Variants in CCDC171 observed in about 807,000 individuals in gnomAD.
CCDC171 encodes the protein coiled-coil domain containing 171, also known as coiled-coil domain-containing protein 171.
A neutral mutation model predicts 168.2 loss-of-function variants in CCDC171; 177 were observed. The ratio of observed to expected loss-of-function variants is 1.05; its 90% CI spans 0.93 to 1.19. The LOEUF is 1.19. CCDC171 is among the 50% of genes most tolerant of loss of function. The pLI is 0.00. For synonymous variants in CCDC171, 687 were observed against 540.8 expected, an observed-to-expected ratio of 1.27 and a Z score of -3.75; for missense variants, 1,991 against 1,539.0, an observed-to-expected ratio of 1.29 and a Z score of -4.91.
intron 14 of CCDC171, among the ~76,000 whole-genome samples, chr9:15,726,009 A>G (rs1198042176): frequency 6.6e-6 from 1 of 152,206 alleles, no homozygotes; most frequent in Non-Finnish European, 1.5e-5. Flanking sequence ...CCTATGGGTT[A>G]TAGAGCTAGT....
At chr9:15,717,157 G>T (rs1305620660) in intron 11 of CCDC171, among the ~76,000 whole-genome samples, 1 of 152,156 alleles carries the variant, frequency 6.6e-6, no homozygotes, top group Admixed American at 6.5e-5. Flanking sequence ...GCTATGTGGT[G>T]GGGGGAATCT....
chr9:15,752,622 C>G (rs1243351373), intron 18 of CCDC171, among the ~76,000 whole-genome samples: 1 of 152,162 alleles, frequency 6.6e-6, no homozygotes, highest in Non-Finnish European at 1.5e-5. Flanking sequence ...AACCATCATT[C>G]TCAGCAAACT....
intron 5 of CCDC171, among the ~76,000 whole-genome samples, chr9:15,593,782 T>A (rs1016406481): frequency 6.6e-6 from 1 of 152,000 alleles, no homozygotes; most frequent in African/African-American, 2.4e-5. Context: ...AGCCTGTTGC[T>A]TATATATACA....
rs1833449428 is a variant in CCDC171 at position 16,035,516 on chromosome 9, C to G, written n.1058C>G. On this transcript the variant is annotated non_coding_transcript_exon_variant, in exon 7 of 10. Transcript: ENST00000486641. ...TCTTATTTATGAACTGAAGAACACT[C>G]TCCATCTTGGTATGTATGCTAATTC... 2 of 152,180 alleles carry G rather than the reference C, an allele frequency of 1.3e-5. 1 individual carries two copies. Among genetic ancestry groups the G allele is most frequent in the South Asian group, 4.1e-4 (2 of 4,826 alleles). 9.4% of individuals were successfully genotyped at this position (152,180 alleles called of 1,614,324 possible). A position where few individuals can be genotyped will look rare whatever the true frequency, so the allele number is the denominator to read the frequency against.
chr9:15,712,498 G>A (rs1008615491), intron 11 of CCDC171, among the ~76,000 whole-genome samples: 2 of 152,186 alleles, frequency 1.3e-5, no homozygotes, highest in Admixed American at 6.5e-5. Flanking sequence ...GCTGTAAAAT[G>A]CATTCTCTGA....
intron 6 of CCDC171, among the ~76,000 whole-genome samples, chr9:15,620,911 C>A (rs1270892084): frequency 6.6e-6 from 1 of 152,086 alleles, no homozygotes; most frequent in African/African-American, 2.4e-5. Flanking sequence ...ATGATGACTT[C>A]CTGAAGGGCC....
In CCDC171 at chr9:15,893,728, A is replaced by G. The variant is rs186264539; in HGVS notation, c.3600+19065A>G. ...AGAAATGCAAACTAAAACCACAATGAGATGCCATCTTGTGCCAGTTAGAAA... is the reference window on the plus strand; with the variant it reads ...AGAAATGCAAACTAAAACCACAATGGGATGCCATCTTGTGCCAGTTAGAAA... On this transcript the variant is annotated intron_variant, in intron 24 of 25. Transcript: ENST00000380701. 2.6e-4 allele frequency among the ~76,000 whole-genome samples: 39 copies of G among 152,314 alleles called. No homozygotes were observed. In the East Asian group the frequency reaches 3.5e-3, roughly 14 times the overall value.
chr9:15,800,656 C>T (rs367698871), intron 21 of CCDC171, among the ~76,000 whole-genome samples: 3 of 152,048 alleles, frequency 2.0e-5, no homozygotes, highest in East Asian at 3.9e-4. Flanking sequence ...GTTATCTGTG[C>T]TTGTGCGATA....
chr9:16,084,621 C>T, the CCDC171 span, among the ~76,000 whole-genome samples: 1 of 152,186 alleles, frequency 6.6e-6, no homozygotes, highest in Admixed American at 6.5e-5. Flanking sequence ...TGCCATGGCG[C>T]CTCCTCAAAC....
intron 10 of CCDC171, among the ~76,000 whole-genome samples, chr9:15,681,026 A>T (rs2050006605): frequency 1.3e-5 from 2 of 152,200 alleles, no homozygotes; most frequent in Admixed American, 1.3e-4. Context: ...TTTAGTGATT[A>T]AAAAATTTTA....
At chr9:15,874,841 T>G (rs1817640614) in intron 24 of CCDC171, 178 bp downstream of exon 24, 1 of 557,130 alleles carries the variant, frequency 1.8e-6, no homozygotes. Context: ...TTTTTTTCTT[T>G]AAAGCCTAGA....
chr9:15,846,575 T>G (rs1160990639), intron 21 of CCDC171, 127 bp from the exon 22 acceptor site: 2 of 859,660 alleles, frequency 2.3e-6, no homozygotes, highest in African/African-American at 3.4e-5. Context: ...TTTGTTAAAC[T>G]TTGATGTGTA....
chr9:15,661,292 A>AC (rs2048303857), intron 8 of CCDC171, among the ~76,000 whole-genome samples: 4 of 147,384 alleles, frequency 2.7e-5, no homozygotes, highest in South Asian at 2.1e-4. Context: ...AAAAAAAAAA[A>AC]AAAAAAAAGT....
chr9:15,648,110 C>T (rs546423430), intron 7 of CCDC171, among the ~76,000 whole-genome samples: 104 of 152,246 alleles, frequency 6.8e-4, no homozygotes, highest in African/African-American at 2.1e-3. Context: ...AATCAATAAA[C>T]GTAATCCATC....
chr9:16,093,837 C>T, the CCDC171 span, among the ~76,000 whole-genome samples: 1 of 152,142 alleles, frequency 6.6e-6, no homozygotes, highest in Non-Finnish European at 1.5e-5. Context: ...ACAACTAGCT[C>T]GTGGATATAG....
chr9:15,656,772 A>G (rs1309858099), intron 7 of CCDC171, among the ~76,000 whole-genome samples: 1 of 152,212 alleles, frequency 6.6e-6, no homozygotes, highest in Non-Finnish European at 1.5e-5. Context: ...ACCAAGAGAC[A>G]TAAGGAATCT....
chr9:15,816,337 A>G (rs569167171), intron 21 of CCDC171, among the ~76,000 whole-genome samples: 1 of 118,380 alleles, frequency 8.4e-6, no homozygotes, highest in East Asian at 2.1e-4. Context: ...AAGTAAGAAA[A>G]AAATTAAAAA....
intron 18 of CCDC171, among the ~76,000 whole-genome samples, chr9:15,762,400 A>T (rs1211488113): frequency 1.3e-5 from 2 of 152,206 alleles, no homozygotes; most frequent in Non-Finnish European, 2.9e-5. Context: ...AAAGGAGCAA[A>T]TTCAAGCCAG....
chr9:16,039,531 G>A (rs564553195), upstream of CCDC171, among the ~76,000 whole-genome samples: 92 of 152,226 alleles, frequency 6.0e-4, no homozygotes, highest in Admixed American at 5.7e-3. Flanking sequence ...TTCTCCTCAC[G>A]GAACAGTCTA....
Sources: allele counts gnomAD v4.1 joint callset (sites outside exome capture counted in the v4.1 genomes callset), GRCh38; gene constraint gnomAD v4.1.1; transcripts MANE v1.5; gene names NCBI Gene and HGNC (gene_info 2026-07-23, HGNC 2026-07-21).